The following SIM1 variants were observed in gnomAD, a reference collection of about 807,000 sequenced individuals.
SIM1 encodes the protein single-minded homolog 1.
A neutral mutation model predicts 78.2 loss-of-function variants in SIM1; 18 were observed. The ratio of observed to expected loss-of-function variants is 0.23; its 90% CI spans 0.16 to 0.34. SIM1 has a LOEUF of 0.34. Among genes scored for constraint, SIM1 ranks in the 10% least tolerant of loss-of-function variants. SIM1 has a pLI of 1.00. For synonymous variants in SIM1, 417 were observed against 385.2 expected, an observed-to-expected ratio of 1.08 and a Z score of -0.97; for missense variants, 939 against 975.1, an observed-to-expected ratio of 0.96 and a Z score of 0.49.
intron 9 of SIM1, among the ~76,000 whole-genome samples, chr6:100,425,264 T>C (rs577386723): frequency 3.9e-5 from 6 of 152,308 alleles, no homozygotes; most frequent in South Asian, 2.1e-4. Flanking sequence ...CTCTTTTTTT[T>C]CCCAGTCTTG....
intron 9 of SIM1, among the ~76,000 whole-genome samples, chr6:100,423,319 A>G (rs1312116054): frequency 1.3e-5 from 2 of 152,306 alleles, no homozygotes; most frequent in East Asian, 1.9e-4. Context: ...ACTTGCCTCT[A>G]TGAAGCCCTT....
At chr6:100,436,742 A>ATTTTTTTT (rs58593533) in intron 9 of SIM1, among the ~76,000 whole-genome samples, 1 of 134,186 alleles carries the variant, frequency 7.5e-6, no homozygotes. Flanking sequence ...TGTTTTTGGT[A>ATTTTTTTT]TTTTTTTTTT....
chr6:100,417,747 C>T (rs1771440882), intron 10 of SIM1, among the ~76,000 whole-genome samples: 1 of 152,184 alleles, frequency 6.6e-6, no homozygotes, highest in Admixed American at 6.5e-5. Flanking sequence ...ACTTGTCTGT[C>T]TATACCACCC....
At chr6:100,419,137 G>A (rs1305521521) in intron 10 of SIM1, among the ~76,000 whole-genome samples, 1 of 152,178 alleles carries the variant, frequency 6.6e-6, no homozygotes, top group Non-Finnish European at 1.5e-5. Flanking sequence ...CTGCACTCCA[G>A]CCTGGGCAAC....
chr6:100,389,440 G>T lies in SIM1; in HGVS notation c.*921C>A. 2.5e-6 allele frequency: 1 copy of T among 394,898 alleles called. No homozygotes were observed. The highest frequency in any genetic ancestry group is 4.5e-6 in the Non-Finnish European group (1 of 224,042). 24.5% of individuals were successfully genotyped at this position (394,898 alleles called of 1,614,324 possible). ...GCACCTATTGGTCTTTTTTCTGGGT[G>T]AATTGGTTTGAATTTTTTATTTAGT... On this transcript the variant is annotated 3_prime_UTR_variant, in exon 12 of 12. Coordinates refer to ENST00000369208, the MANE Select transcript of SIM1 (RefSeq NM_005068.3).
intron 9 of SIM1, among the ~76,000 whole-genome samples, chr6:100,421,174 G>A (rs1489849422): frequency 6.6e-6 from 1 of 152,004 alleles, no homozygotes; most frequent in Non-Finnish European, 1.5e-5. Context: ...TTCGTTAAGT[G>A]GAAAATAAAC....
intron 2 of SIM1, among the ~76,000 whole-genome samples, chr6:100,458,884 G>GT (rs1772761094): frequency 6.6e-6 from 1 of 152,202 alleles, no homozygotes; most frequent in Non-Finnish European, 1.5e-5. Flanking sequence ...AATAATTGAG[G>GT]TTCCCCCTCC....
At chr6:100,392,490 A>G (rs918296340) in intron 11 of SIM1, among the ~76,000 whole-genome samples, 6 of 152,200 alleles carry the variant, frequency 3.9e-5, no homozygotes, top group African/African-American at 1.4e-4. Context: ...ACTTAACTCT[A>G]TTCTTTGGCA....
chr6:100,458,306 C>A (rs774446365), intron 2 of SIM1, among the ~76,000 whole-genome samples: 2 of 152,202 alleles, frequency 1.3e-5, no homozygotes, highest in Non-Finnish European at 2.9e-5. Context: ...TCTTCGAATG[C>A]GGCCCAGCTT....
intron 2 of SIM1, among the ~76,000 whole-genome samples, chr6:100,460,111 A>G (rs190512639): frequency 5.9e-5 from 9 of 152,226 alleles, no homozygotes; most frequent in Admixed American, 2.0e-4. Flanking sequence ...TTTATTCTTA[A>G]TTATTCCAGG....
chr6:100,421,270 T>C (rs1052430280), intron 9 of SIM1, among the ~76,000 whole-genome samples: 1 of 152,130 alleles, frequency 6.6e-6, no homozygotes, highest in Admixed American at 6.6e-5. Context: ...TTATGTGGGG[T>C]GGTTATCTGA....
At chr6:100,433,905 T>C (rs1044497347) in intron 9 of SIM1, among the ~76,000 whole-genome samples, 5 of 152,118 alleles carry the variant, frequency 3.3e-5, no homozygotes, top group African/African-American at 4.8e-5. Flanking sequence ...ATTTGCTGAG[T>C]GAATGCATGA....
chr6:100,458,920 G>A (rs1265781118), intron 2 of SIM1, among the ~76,000 whole-genome samples: 4 of 152,178 alleles, frequency 2.6e-5, no homozygotes, highest in African/African-American at 2.4e-5. Context: ...AAAATTTCAC[G>A]GATCAGACAC....
At chr6:100,453,359 A>T (rs1772562139) in intron 3 of SIM1, among the ~76,000 whole-genome samples, 1 of 152,196 alleles carries the variant, frequency 6.6e-6, no homozygotes, top group Non-Finnish European at 1.5e-5. Context: ...TCTTTTTACC[A>T]GATTCCTGTT....
intron 8 of SIM1, 134 bp from the exon 9 acceptor site, chr6:100,447,549 AC>A: frequency 2.1e-6 from 2 of 960,694 alleles, no homozygotes; most frequent in Non-Finnish European, 3.1e-6. Flanking sequence ...AGAGAGAGAG[AC>A]GACAGGCAAA....
At chr6:100,400,530 A>T (rs149074134) in intron 10 of SIM1, among the ~76,000 whole-genome samples, 4 of 152,122 alleles carry the variant, frequency 2.6e-5, no homozygotes, top group South Asian at 4.1e-4. Flanking sequence ...TAAATTAAAT[A>T]CAGAATTCTG....
chr6:100,399,125 T>G (rs1266726892), intron 10 of SIM1, among the ~76,000 whole-genome samples: 1 of 152,114 alleles, frequency 6.6e-6, no homozygotes, highest in East Asian at 1.9e-4. Context: ...CCTTTGCCCA[T>G]TTTTGAATTG....
chr6:100,393,532 A>T lies in SIM1; in HGVS notation c.1525T>A (p.Tyr509Asn), dbSNP rs780931884. The T allele has an allele frequency of 1.9e-6, 3 of 1,586,446 alleles. No homozygotes were observed. The East Asian group carries it at 6.8e-5, about 36-fold the overall frequency. Residue 509 changes from tyrosine to asparagine, a missense_variant, in exon 11 of 12, where the codon TAT becomes AAT. Transcript: ENST00000369208. ...TKASPESREA[Y>N]ENSMPHIASV... ...GCGATGTGAGGCATGCTGTTTTCAT[A>T]GGCTTCTCTGCTTTCTGGGGAGGCC...
chr6:100,395,405 C>T (rs1374426187), intron 10 of SIM1, among the ~76,000 whole-genome samples: 1 of 152,146 alleles, frequency 6.6e-6, no homozygotes, highest in Non-Finnish European at 1.5e-5. Flanking sequence ...ACAGCCACCT[C>T]ACAGTCTATC....
Sources: allele counts gnomAD v4.1 joint callset (sites outside exome capture counted in the v4.1 genomes callset), GRCh38; gene constraint gnomAD v4.1.1; transcripts MANE v1.5; gene names NCBI Gene and HGNC (gene_info 2026-07-23, HGNC 2026-07-21).